The following CALN1 variants were observed in gnomAD, a reference collection of about 807,000 sequenced individuals.
CALN1 encodes the protein calneuron 1.
A neutral mutation model predicts 30.6 loss-of-function variants in CALN1; 17 were observed. The ratio of observed to expected loss-of-function variants is 0.56; its 90% CI spans 0.38 to 0.83. CALN1 has a LOEUF of 0.83. CALN1 is among the 40% of genes least tolerant of loss of function. The probability of loss-of-function intolerance (pLI) is 0.00; values close to 1 mark genes in which losing one functional copy is unlikely to be tolerated. For synonymous variants in CALN1, 156 were observed against 131.4 expected, an observed-to-expected ratio of 1.19 and a Z score of -1.28; for missense variants, 291 against 354.9, an observed-to-expected ratio of 0.82 and a Z score of 1.45.
intron 5 of CALN1, among the ~76,000 whole-genome samples, chr7:71,864,471 C>T (rs1791474292): frequency 1.3e-5 from 2 of 152,106 alleles, no homozygotes; most frequent in Admixed American, 1.3e-4. Flanking sequence ...AAAACAGGGA[C>T]TTCCATCCTG....
intron 5 of CALN1, among the ~76,000 whole-genome samples, chr7:71,906,317 G>A (rs1044521983): frequency 1.1e-4 from 16 of 152,130 alleles, no homozygotes; most frequent in African/African-American, 3.6e-4. Context: ...TTTAGAGGTA[G>A]ACCACGTATT....
intron 2 of CALN1, among the ~76,000 whole-genome samples, chr7:72,294,568 A>G (rs1368051115): frequency 6.6e-6 from 1 of 152,000 alleles, no homozygotes; most frequent in Non-Finnish European, 1.5e-5. Flanking sequence ...TGGGCAACAC[A>G]GCGAAACCTC....
the CALN1 span, among the ~76,000 whole-genome samples, chr7:72,482,636 A>C: frequency 6.6e-6 from 1 of 151,738 alleles, no homozygotes. Flanking sequence ...CAATTTCTCC[A>C]CTCCTAATCT....
chr7:71,899,207 G>A (rs903872906), intron 5 of CALN1, among the ~76,000 whole-genome samples: 18 of 149,150 alleles, frequency 1.2e-4, no homozygotes, highest in African/African-American at 4.5e-4. Context: ...GTAATGGCGC[G>A]ATCTCGGCTC....
At chr7:72,285,582 GA>G (rs1798031816) in intron 2 of CALN1, among the ~76,000 whole-genome samples, 1 of 152,006 alleles carries the variant, frequency 6.6e-6, no homozygotes, top group Non-Finnish European at 1.5e-5. Context: ...ACAAATGACC[GA>G]AACTAAAAAA....
At chr7:72,039,578 T>C (rs1046794799) in intron 4 of CALN1, among the ~76,000 whole-genome samples, 8 of 152,228 alleles carry the variant, frequency 5.3e-5, no homozygotes, top group African/African-American at 1.7e-4. Context: ...TGACCCAGTC[T>C]AGTAAACCTA....
chr7:72,410,907 T>G (rs1264284554), intron 1 of CALN1, among the ~76,000 whole-genome samples: 1 of 152,154 alleles, frequency 6.6e-6, no homozygotes, highest in Non-Finnish European at 1.5e-5. Flanking sequence ...ATTGTAGGCA[T>G]TAACCAACAT....
intron 1 of CALN1, among the ~76,000 whole-genome samples, chr7:72,420,651 C>G (rs1257998459): frequency 7.1e-6 from 1 of 141,844 alleles, no homozygotes; most frequent in East Asian, 2.1e-4. Context: ...TGAGACGGAG[C>G]CTCGCTCTGT....
rs114704396 is a variant in CALN1 at position 72,004,424 on chromosome 7, T to C, written c.501+19233A>G. On this transcript the variant is annotated intron_variant, in intron 5 of 6. Coordinates refer to ENST00000395275, the MANE Select transcript of CALN1 (RefSeq NM_031468.4). ...GACTTAAATGTAAAACATAGAACTA[T>C]AAAACTTTTAGAAGAAAAAAATAGG... 7.7e-3 allele frequency among the ~76,000 whole-genome samples: 1,175 copies of C among 152,270 alleles called. 11 individuals carry two copies. The highest frequency in any genetic ancestry group is 0.026 in the African/African-American group (1,066 of 41,552).
intron 3 of CALN1, among the ~76,000 whole-genome samples, chr7:72,225,551 T>A (rs1212528106): frequency 6.6e-6 from 1 of 151,946 alleles, no homozygotes; most frequent in East Asian, 2.0e-4. Context: ...GACGGAAAGA[T>A]CACACACAGC....
At chr7:71,924,220 GGATTAGGATTTCAGATCTTTTTAAAAAA>G (rs67589744) in intron 5 of CALN1, among the ~76,000 whole-genome samples, 47,961 of 139,498 alleles carry the variant, frequency 0.34, 8,823 homozygotes, top group Admixed American at 0.42. Context: ...AAAAAGATTA[GGATTAGGATTTCAGATCTTTTTAAAAAA>G]GATTAGGATT....
chr7:71,808,795 C>T (rs1049917807), intron 6 of CALN1, among the ~76,000 whole-genome samples: 4 of 152,154 alleles, frequency 2.6e-5, no homozygotes, highest in Non-Finnish European at 4.4e-5. Context: ...GCGCTTGAGC[C>T]CCATGTGCTT....
At chr7:71,902,315 G>T (rs1368133230) in intron 5 of CALN1, among the ~76,000 whole-genome samples, 1 of 150,712 alleles carries the variant, frequency 6.6e-6, no homozygotes, top group Non-Finnish European at 1.5e-5. Context: ...TGGAAAAAAT[G>T]TTCAACATCA....
At chr7:72,359,976 C>CACAAAAAAAAA (rs1803468829) in intron 2 of CALN1, among the ~76,000 whole-genome samples, 1 of 63,954 alleles carries the variant, frequency 1.6e-5, no homozygotes, top group African/African-American at 8.6e-5. Context: ...GACTCCATCT[C>CACAAAAAAAAA]AAAAAAAAAA....
intron 1 of CALN1, among the ~76,000 whole-genome samples, chr7:72,425,855 TG>T (rs1327117525): frequency 1.3e-5 from 2 of 152,232 alleles, no homozygotes; most frequent in Non-Finnish European, 2.9e-5. Context: ...GCTGCCACTC[TG>T]TCCCTTAGGG....
chr7:72,157,693 T>A (rs1787801784), intron 3 of CALN1, among the ~76,000 whole-genome samples: 1 of 152,140 alleles, frequency 6.6e-6, no homozygotes. Context: ...AGATATGAAT[T>A]CACCTCAGGG....
chr7:72,429,762 T>TAC (rs35907602), intron 1 of CALN1, among the ~76,000 whole-genome samples: 3 of 55,650 alleles, frequency 5.4e-5, no homozygotes, highest in African/African-American at 7.7e-5. Flanking sequence ...TACACATCTG[T>TAC]ATATATATAT....
intron 3 of CALN1, among the ~76,000 whole-genome samples, chr7:72,189,375 A>G (rs925919765): frequency 1.3e-5 from 2 of 152,206 alleles, no homozygotes; most frequent in African/African-American, 4.8e-5. Flanking sequence ...TCAAGCAACA[A>G]AACATTTGGT....
intron 4 of CALN1, among the ~76,000 whole-genome samples, chr7:72,092,625 TAAAAAAAAAAAAAA>T (rs369445548): frequency 1.9e-5 from 2 of 106,280 alleles, no homozygotes; most frequent in Non-Finnish European, 3.7e-5. Context: ...TGTATTCTAG[TAAAAAAAAAAAAAA>T]AAAAAAAAAA....
Sources: gnomAD v4.1 joint callset for allele counts (sites outside exome capture counted in the v4.1 genomes callset) on GRCh38, gnomAD v4.1.1 for gene constraint, MANE v1.5 for transcripts, NCBI Gene and HGNC (gene_info 2026-07-23, HGNC 2026-07-21) for gene names.